The following ZNF541 variants were observed in gnomAD, a reference collection of about 807,000 sequenced individuals.
ZNF541 encodes zinc finger protein 541.
In ZNF541, 23 loss-of-function variants were observed where a neutral mutation model predicts 123.5. The observed-to-expected ratio is 0.19, with a 90% confidence interval of 0.13 to 0.26. ZNF541 has a LOEUF of 0.26. Among genes scored for constraint, ZNF541 ranks in the 10% least tolerant of loss-of-function variants. ZNF541 has a pLI of 1.00. For synonymous variants in ZNF541, 751 were observed against 754.5 expected, an observed-to-expected ratio of 1.00 and a Z score of 0.08; for missense variants, 1,612 against 1,789.9, an observed-to-expected ratio of 0.90 and a Z score of 1.79.
At chr19:47,551,154 C>T (rs1234136230) in intron 3 of ZNF541, among the ~76,000 whole-genome samples, 1 of 151,220 alleles carries the variant, frequency 6.6e-6, no homozygotes, top group African/African-American at 2.4e-5. Flanking sequence ...AGGTTCAAGC[C>T]TCAGCCTCTG....
rs1230429139 is a variant in ZNF541 at position 47,545,547 on chromosome 19, C to T, written c.982G>A (p.Ala328Thr). Residue 328 changes from alanine (A) to threonine (T), a missense_variant, in exon 5 of 17, where the codon GCA (alanine) becomes ACA (threonine). Ala to Thr is a moderately conservative substitution (Grantham distance 58). Coordinates refer to ENST00000391901, the MANE Select transcript of ZNF541 (RefSeq NM_001277075.3). The surrounding 1 kb of genome is among the most constrained non-coding windows in gnomAD (Gnocchi z 7.5). The part of the protein sequence containing the change: ...CTPAGPHAAP[A>T]ALDTELPEEP... ...TCGGGAAGCTCGGTGTCCAGCGCTGCTGGGGCCGCGTGGGGGCCGGCTGGG... is the reference window on the plus strand; with the variant it reads ...TCGGGAAGCTCGGTGTCCAGCGCTGTTGGGGCCGCGTGGGGGCCGGCTGGG... 1 of 1,535,566 alleles carries T rather than the reference C, an allele frequency of 6.5e-7. No homozygotes were observed. Among genetic ancestry groups the T allele is most frequent in the Admixed American group, 2.0e-5 (1 of 49,446 alleles).
chr19:47,561,245 G>A (rs942875428), intron 2 of ZNF541, among the ~76,000 whole-genome samples: 1 of 152,024 alleles, frequency 6.6e-6, no homozygotes. Context: ...CCAGGAGTTT[G>A]ACAAAGTCAG....
chr19:47,556,473 A>G (rs766427961), intron 2 of ZNF541, among the ~76,000 whole-genome samples: 2 of 152,166 alleles, frequency 1.3e-5, no homozygotes, highest in African/African-American at 4.8e-5. Flanking sequence ...TATCAAATCG[A>G]AAATGGATAA....
chr19:47,542,208 G>A (rs1393215116), intron 5 of ZNF541, among the ~76,000 whole-genome samples: 2 of 152,160 alleles, frequency 1.3e-5, no homozygotes, highest in South Asian at 2.1e-4. Flanking sequence ...AAGGAGACTC[G>A]TGGCTGCCAG....
Position 47,537,299 on chromosome 19 carries a change from C to T in ZNF541, c.3094+843G>A, listed in dbSNP as rs141131199. On this transcript the variant is annotated intron_variant, in intron 9 of 16. Transcript: ENST00000391901. ...ATAGGCCAGGCCAGGCACAGTGGCT[C>T]ACACCTGTAATCCCAGCACTTTGGG... Among the ~76,000 whole-genome samples the T allele has an allele frequency of 3.6e-3, 552 of 152,322 alleles. 2 individuals carry two copies. The highest frequency in any genetic ancestry group is 0.013 in the African/African-American group (521 of 41,578).
rs756189427 is a variant in ZNF541, at chr19:47,529,668, C to T, written c.3406-16G>A. ...CCAGGGCGACCTGGAACAAGAGGAG[C>T]GACAGGCTGCCCAGGACCAGGTGGG... On this transcript the variant is annotated splice_polypyrimidine_tract_variant and intron_variant, in intron 12 of 16. Coordinates refer to ENST00000391901, the MANE Select transcript of ZNF541 (RefSeq NM_001277075.3). 10 of 1,550,936 alleles carry T rather than the reference C, an allele frequency of 6.4e-6. No individual in the cohort carries two copies. The highest frequency in any genetic ancestry group is 4.1e-5 in the African/African-American group (3 of 72,996).
chr19:47,528,904 A>G, intron 14 of ZNF541, 46 bp downstream of exon 14: 1 of 1,487,840 alleles, frequency 6.7e-7, no homozygotes, highest in Non-Finnish European at 9.2e-7. Flanking sequence ...AGCTTGTCTC[A>G]GCTGTGTGAG....
chr19:47,529,689 G>C lies in ZNF541; in HGVS notation c.3406-37C>G, dbSNP rs3810319. ...GGAGCGACAGGCTGCCCAGGACCAG[G>C]TGGGGGAAGAGGACCACAGGCATCC... On this transcript the variant is annotated intron_variant, in intron 12 of 16. Coordinates refer to ENST00000391901, the MANE Select transcript of ZNF541 (RefSeq NM_001277075.3). 0.12 allele frequency: 185,492 copies of C among 1,542,420 alleles called. 12,448 individuals carry two copies. The highest frequency in any genetic ancestry group is 0.24 in the East Asian group (9,883 of 40,852).
intron 14 of ZNF541, among the ~76,000 whole-genome samples, chr19:47,528,447 G>A (rs113847892): frequency 2.0e-5 from 3 of 151,498 alleles, no homozygotes; most frequent in Non-Finnish European, 2.9e-5. Flanking sequence ...CTCCTAACTA[G>A]TTGGGATTAC....
At chr19:47,557,944 C>A (rs1234103858) in intron 2 of ZNF541, among the ~76,000 whole-genome samples, 2 of 151,416 alleles carry the variant, frequency 1.3e-5, no homozygotes, top group Non-Finnish European at 2.9e-5. Context: ...GAAAAATAAA[C>A]CACATAACAT....
intron 3 of ZNF541, among the ~76,000 whole-genome samples, chr19:47,553,615 A>C (rs957655107): frequency 6.6e-6 from 1 of 152,060 alleles, no homozygotes; most frequent in Non-Finnish European, 1.5e-5. Flanking sequence ...TATGTTAGCC[A>C]GGATGGTCTT....
chr19:47,537,361 C>T (rs1262579115), intron 9 of ZNF541, among the ~76,000 whole-genome samples: 6 of 151,932 alleles, frequency 3.9e-5, no homozygotes, highest in Admixed American at 2.6e-4. Flanking sequence ...GTCAGGAGCT[C>T]GAGACCAGCC....
At chr19:47,538,983 T>C (rs577945751) in intron 8 of ZNF541, among the ~76,000 whole-genome samples, 1 of 152,158 alleles carries the variant, frequency 6.6e-6, no homozygotes, top group Non-Finnish European at 1.5e-5. Context: ...CTACTCCTCC[T>C]CATCCTCTAG....
chr19:47,532,168 T>G lies in ZNF541; in HGVS notation c.3261A>C (p.Pro1087=). Residue 1087 remains proline, a synonymous_variant, in exon 11 of 17, where the codon CCA becomes CCC. Transcript: ENST00000391901. ...DEHVASLVWK[P]WGDMMISSET... The stretch of plus-strand genomic sequence containing the variant: ...CTGAGCTGATCATCATATCTCCCCA[T>G]GGCTTCCAGACCAGAGAAGCTACAT... 1.9e-6 allele frequency: 3 copies of G among 1,551,750 alleles called. No individual in the cohort carries two copies. Among genetic ancestry groups the G allele is most frequent in the Non-Finnish European group, 2.6e-6 (3 of 1,147,000 alleles).
Position 47,544,615 on chromosome 19 carries a change from G to A in ZNF541, c.1914C>T (p.Ala638=). The change falls in exon 5 of 17, where the codon GCC becomes GCT. Residue 638 remains alanine, a synonymous_variant. Transcript: ENST00000391901. ...CGTCTCGTCTCGTGCTGCCGGGGGAGGCCTCTCTGGGAACCCCGGGTGTGG... is the reference window on the plus strand; with the variant it reads ...CGTCTCGTCTCGTGCTGCCGGGGGAAGCCTCTCTGGGAACCCCGGGTGTGG... ...RKTTPGVPRE[A]SPGSTRRDAK... 1 of 1,550,904 alleles carries A rather than the reference G, an allele frequency of 6.4e-7. No individual in the cohort carries two copies.
Position 47,521,840 on chromosome 19 carries a change from C to T in ZNF541, c.3711+14G>A. On this transcript the variant is annotated intron_variant, in intron 15 of 16. Coordinates refer to ENST00000391901, the MANE Select transcript of ZNF541 (RefSeq NM_001277075.3). This position sits in a 1 kb window ranked among gnomAD's most constrained non-coding sequence, Gnocchi z 4.2. ...AGGAGAGAAGAGCTCCCGACACAGCCCTGGTTCCTCTACCTTTTCCTCTGT... is the reference window on the plus strand; with the variant it reads ...AGGAGAGAAGAGCTCCCGACACAGCTCTGGTTCCTCTACCTTTTCCTCTGT... 6.4e-7 allele frequency: 1 copy of T among 1,551,048 alleles called. No individual in the cohort carries two copies. The highest frequency in any genetic ancestry group is 8.7e-7 in the Non-Finnish European group (1 of 1,146,672).
Position 47,539,733 on chromosome 19 carries a change from A to C in ZNF541, c.2768T>G (p.Val923Gly). The C allele has an allele frequency of 6.9e-7, 1 of 1,443,434 alleles. No individual in the cohort carries two copies. The allele number at this position is 1,443,434 out of a possible 1,614,324, so 89.4% of individuals were successfully genotyped here. The change falls in exon 8 of 17, where the codon GTG (valine) becomes GGG (glycine). Residue 923 changes from valine to glycine, a missense_variant. Around this residue, in one of 5 missense-constraint regions of ZNF541, gnomAD observed 1,080 missense variants for 1,013.8 expected, o/e 1.07. Transcript: ENST00000391901. ...VVPQSIPVVP[V>G]TRHIGSMAMG... is the part of the protein sequence containing the mutation. Reference sequence around the variant, plus strand: ...GGCCATGCTCCCTATGTGTCGGGTCACTGGAACCACGGGGATCGATTGGGG... The same window carrying C: ...GGCCATGCTCCCTATGTGTCGGGTCCCTGGAACCACGGGGATCGATTGGGG...
chr19:47,539,928 G>A (rs1970006225), intron 7 of ZNF541, 50 bp from the exon 8 acceptor site: 1 of 1,508,220 alleles, frequency 6.6e-7, no homozygotes, highest in East Asian at 2.5e-5. Flanking sequence ...GGTAGGTGGG[G>A]AAAGGAAGAG....
intron 2 of ZNF541, among the ~76,000 whole-genome samples, chr19:47,568,476 T>A (rs1971351515): frequency 6.6e-6 from 1 of 152,046 alleles, no homozygotes; most frequent in Non-Finnish European, 1.5e-5. Context: ...CCCGAGTAGC[T>A]GGGTTTACAA....
Sources: gnomAD v4.1 joint callset for allele counts (sites outside exome capture counted in the v4.1 genomes callset) on GRCh38, gnomAD v4.1.1 for gene constraint, gnomAD v4.1.1 regional missense constraint, Gnocchi (gnomAD v3.1) non-coding constraint, MANE v1.5 for transcripts, NCBI Gene and HGNC (gene_info 2026-07-23, HGNC 2026-07-21) for gene names.